The following RAD51B variants were observed in gnomAD, a reference collection of about 807,000 sequenced individuals.
RAD51B encodes the protein RAD51 paralog B, also known as DNA repair protein RAD51 homolog 2.
A neutral mutation model predicts 42.2 loss-of-function variants in RAD51B; 38 were observed. The observed-to-expected ratio is 0.90, with a 90% CI of 0.70 to 1.18. The LOEUF (loss-of-function observed/expected upper bound fraction) is 1.18, where lower values mean the gene tolerates loss of function less well. Ranked by LOEUF, RAD51B falls within the 50% of genes most tolerant of loss-of-function variation. RAD51B has a pLI of 0.00. For synonymous variants in RAD51B, 154 were observed against 145.2 expected (o/e 1.06, Z -0.43); for missense variants, 373 against 400.7 (o/e 0.93, Z 0.59).
chr14:68,539,893 G>A (rs926374425), intron 10 of RAD51B, among the ~76,000 whole-genome samples: 13 of 152,152 alleles, frequency 8.5e-5, no homozygotes, highest in Admixed American at 2.0e-4. Context: ...GGCCTCTAAC[G>A]GTCCCGTATC....
At chr14:67,854,062 G>T (rs930857808) in intron 4 of RAD51B, among the ~76,000 whole-genome samples, 2 of 152,196 alleles carry the variant, frequency 1.3e-5, no homozygotes, top group Non-Finnish European at 2.9e-5. Flanking sequence ...CTTCTCATAT[G>T]AGATAATATA....
intron 7 of RAD51B, among the ~76,000 whole-genome samples, chr14:68,166,076 G>A (rs919873323): frequency 1.3e-5 from 2 of 152,096 alleles, no homozygotes; most frequent in South Asian, 2.1e-4. Context: ...GATAGTATAG[G>A]GGAGAGAGTG....
intron 7 of RAD51B, among the ~76,000 whole-genome samples, chr14:68,231,356 A>G (rs1595580066): frequency 6.6e-6 from 1 of 151,808 alleles, no homozygotes; most frequent in African/African-American, 2.4e-5. Flanking sequence ...CTTTCCTCCA[A>G]CCTTATTGAA....
intron 7 of RAD51B, among the ~76,000 whole-genome samples, chr14:68,223,333 T>A (rs571492455): frequency 5.3e-5 from 8 of 152,366 alleles, no homozygotes; most frequent in African/African-American, 1.9e-4. Context: ...TTAATACATG[T>A]CTAATGAATG....
chr14:68,272,129 A>T (rs2081115558), intron 7 of RAD51B, among the ~76,000 whole-genome samples: 1 of 152,176 alleles, frequency 6.6e-6, no homozygotes, highest in Admixed American at 6.5e-5. Context: ...TCACCACGTG[A>T]TCACTGTGGG....
At chr14:67,845,281 C>T (rs553261293) in intron 4 of RAD51B, among the ~76,000 whole-genome samples, 80 of 152,280 alleles carry the variant, frequency 5.3e-4, no homozygotes, top group African/African-American at 1.9e-3. Context: ...CAGGACCTCT[C>T]GTAAGGCAGG....
intron 7 of RAD51B, among the ~76,000 whole-genome samples, chr14:67,976,275 C>T (rs1446355009): frequency 6.6e-6 from 1 of 151,760 alleles, no homozygotes; most frequent in Non-Finnish European, 1.5e-5. Flanking sequence ...TGCTACCTTG[C>T]CAAGATAATT....
intron 7 of RAD51B, among the ~76,000 whole-genome samples, chr14:68,069,066 T>C (rs80042652): frequency 3.0e-4 from 45 of 152,302 alleles, no homozygotes; most frequent in Middle Eastern, 3.4e-3. Context: ...GCTTTAGTAT[T>C]CTTCTAAAGT....
chr14:67,957,438 C>T (rs1353656705), intron 7 of RAD51B, among the ~76,000 whole-genome samples: 1 of 152,176 alleles, frequency 6.6e-6, no homozygotes, highest in East Asian at 1.9e-4. Context: ...CCCCATGCAC[C>T]TTCCATCTAT....
At chr14:68,271,732 C>T (rs1369271911) in intron 7 of RAD51B, among the ~76,000 whole-genome samples, 2 of 152,118 alleles carry the variant, frequency 1.3e-5, no homozygotes, top group African/African-American at 4.8e-5. Context: ...GTAATCTCTG[C>T]GTAGTGCTTA....
At chr14:67,888,365 A>T (rs995597202) in intron 7 of RAD51B, among the ~76,000 whole-genome samples, 1 of 152,216 alleles carries the variant, frequency 6.6e-6, no homozygotes, top group Non-Finnish European at 1.5e-5. Context: ...ATAGAAAGTT[A>T]TGTATATAGT....
At chr14:67,973,059 A>G (rs1290302536) in intron 7 of RAD51B, among the ~76,000 whole-genome samples, 1 of 152,110 alleles carries the variant, frequency 6.6e-6, no homozygotes, top group East Asian at 1.9e-4. Context: ...CAAAATTATC[A>G]ACACAGTGAT....
At chr14:68,526,817 A>G (rs1034994460) in intron 10 of RAD51B, among the ~76,000 whole-genome samples, 2 of 152,102 alleles carry the variant, frequency 1.3e-5, no homozygotes, top group Admixed American at 1.3e-4. Context: ...TAGGTCCCCG[A>G]AAGTGGTAAA....
intron 8 of RAD51B, among the ~76,000 whole-genome samples, chr14:68,371,928 G>A (rs1230752961): frequency 6.6e-6 from 1 of 152,252 alleles, no homozygotes; most frequent in Non-Finnish European, 1.5e-5. Context: ...TCTGAGTCTA[G>A]AGCTCAGGAG....
chr14:68,585,154 T>C (rs149587011), intron 10 of RAD51B, among the ~76,000 whole-genome samples: 2 of 152,330 alleles, frequency 1.3e-5, no homozygotes, highest in African/African-American at 4.8e-5. Flanking sequence ...TTCCCACCTC[T>C]GTGTACTCTA....
chr14:68,277,621 T>C (rs1382217528), intron 7 of RAD51B, among the ~76,000 whole-genome samples: 1 of 152,232 alleles, frequency 6.6e-6, no homozygotes, highest in Non-Finnish European at 1.5e-5. Flanking sequence ...TAAATGTGTA[T>C]ATTATATATA....
At chr14:68,386,127 T>A in intron 8 of RAD51B, among the ~76,000 whole-genome samples, 1 of 152,156 alleles carries the variant, frequency 6.6e-6, no homozygotes, top group East Asian at 1.9e-4. Context: ...TGGAGGTTAT[T>A]GTTGCCCCCT....
intron 8 of RAD51B, among the ~76,000 whole-genome samples, chr14:68,350,612 G>C (rs770619433): frequency 6.6e-6 from 1 of 152,206 alleles, no homozygotes; most frequent in Admixed American, 6.5e-5. Context: ...AATTTTATTT[G>C]AAAATGAGAC....
intron 10 of RAD51B, among the ~76,000 whole-genome samples, chr14:68,622,141 C>T (rs1276718920): frequency 6.6e-6 from 1 of 152,236 alleles, no homozygotes; most frequent in Non-Finnish European, 1.5e-5. Context: ...GTTCTAGAGT[C>T]ACTGCCTTTA....
Sources: gnomAD v4.1 joint callset for allele counts (sites outside exome capture counted in the v4.1 genomes callset) on GRCh38, gnomAD v4.1.1 for gene constraint, MANE v1.5 for transcripts, NCBI Gene and HGNC (gene_info 2026-07-23, HGNC 2026-07-21) for gene names.